The following UBR3 variants were observed in gnomAD, a reference collection of about 807,000 sequenced individuals.
UBR3 encodes E3 ubiquitin-protein ligase UBR3.
Under a neutral mutation model 243.2 loss-of-function variants are expected in UBR3, and 85 were observed. That is an observed-to-expected ratio of 0.35 (90% CI 0.29 to 0.42). The LOEUF is 0.42. Among genes scored for constraint, UBR3 ranks in the 10% least tolerant of loss-of-function variants. The probability of loss-of-function intolerance (pLI) is 1.00; values close to 1 mark genes in which losing one functional copy is unlikely to be tolerated. For synonymous variants in UBR3, 748 were observed against 799.8 expected, an observed-to-expected ratio of 0.94 and a Z score of 1.09; for missense variants, 1,686 against 2,300.8, an observed-to-expected ratio of 0.73 and a Z score of 5.47.
At chr2:169,988,444 A>G (rs947003838) in intron 25 of UBR3, among the ~76,000 whole-genome samples, 5 of 152,202 alleles carry the variant, frequency 3.3e-5, no homozygotes, top group Admixed American at 6.5e-5. Flanking sequence ...AGCTAGACCA[A>G]TAAATATTAA....
chr2:169,916,050 T>C (rs2085450719), intron 11 of UBR3, among the ~76,000 whole-genome samples: 1 of 152,160 alleles, frequency 6.6e-6, no homozygotes, highest in African/African-American at 2.4e-5. Context: ...CTGGTTACTT[T>C]TAGTGTGGAA....
At chr2:169,932,870 A>G in intron 18 of UBR3, 42 bp from the exon 19 acceptor site, 1 of 1,429,018 alleles carries the variant, frequency 7.0e-7, no homozygotes, top group African/African-American at 1.4e-5. Context: ...TATTGATTTT[A>G]TTTCTGAGAA....
chr2:170,035,860 AAAT>A (rs2090812140), intron 31 of UBR3, among the ~76,000 whole-genome samples: 1 of 135,990 alleles, frequency 7.4e-6, no homozygotes, highest in Non-Finnish European at 1.6e-5. Context: ...CATTTTCCTT[AAAT>A]AGATCTTTGC....
At chr2:170,030,253 G>T (rs2090634547) in intron 31 of UBR3, among the ~76,000 whole-genome samples, 1 of 151,958 alleles carries the variant, frequency 6.6e-6, no homozygotes, top group African/African-American at 2.4e-5. Flanking sequence ...GTTGGCCCGG[G>T]TTCGTTTTGT....
intron 1 of UBR3, among the ~76,000 whole-genome samples, chr2:169,861,328 G>A (rs1395459372): frequency 6.6e-6 from 1 of 152,172 alleles, no homozygotes; most frequent in Non-Finnish European, 1.5e-5. Context: ...AACAAATGCC[G>A]GCTGGGTGTG....
intron 10 of UBR3, among the ~76,000 whole-genome samples, chr2:169,912,049 A>T (rs756785350): frequency 3.9e-5 from 6 of 152,156 alleles, no homozygotes; most frequent in Non-Finnish European, 8.8e-5. Context: ...GGACATGGAG[A>T]TGAGTAAGGT....
At chr2:169,908,705 C>T (rs6732048) in intron 10 of UBR3, among the ~76,000 whole-genome samples, 40,827 of 151,454 alleles carry the variant, frequency 0.27, 5,697 homozygotes, top group East Asian at 0.42. Context: ...TCAGAGAATG[C>T]GTTTATGAAG....
At chr2:169,929,296 C>T (rs964796788) in intron 18 of UBR3, among the ~76,000 whole-genome samples, 11 of 152,090 alleles carry the variant, frequency 7.2e-5, no homozygotes, top group Admixed American at 4.6e-4. Flanking sequence ...CTGTATAGGC[C>T]GGGTGTGGTG....
intron 24 of UBR3, among the ~76,000 whole-genome samples, chr2:169,985,655 G>A (rs2105387529): frequency 6.6e-6 from 1 of 152,140 alleles, no homozygotes; most frequent in East Asian, 1.9e-4. Context: ...TACTGTTTTT[G>A]TTTTTGTTTT....
intron 35 of UBR3, among the ~76,000 whole-genome samples, chr2:170,065,530 T>C (rs535088214): frequency 7.9e-5 from 12 of 152,276 alleles, no homozygotes; most frequent in African/African-American, 2.9e-4. Context: ...TGGCCTCAAG[T>C]GATCCACCCC....
At chr2:170,024,053 G>C (rs1488548876) in intron 30 of UBR3, among the ~76,000 whole-genome samples, 1 of 152,144 alleles carries the variant, frequency 6.6e-6, no homozygotes, top group African/African-American at 2.4e-5. Flanking sequence ...TGATCAGTAT[G>C]AGTATAGTAA....
rs1297148914 is a variant in UBR3, at chr2:169,986,654, A to C, written c.3644A>C (p.Glu1215Ala). 1 of 1,610,468 alleles carries C rather than the reference A, an allele frequency of 6.2e-7. No homozygotes were observed. Residue 1215 changes from glutamate to alanine, a missense_variant, in exon 25 of 39, where the codon GAG (glutamate) becomes GCG (alanine). By Grantham distance (107) the Glu-to-Ala change is moderately radical. Around this residue, in one of 8 missense-constraint regions of UBR3, gnomAD observed 156 missense variants for 246.3 expected, o/e 0.63. Coordinates refer to ENST00000272793, the MANE Select transcript of UBR3 (RefSeq NM_172070.4). The stretch of plus-strand genomic sequence containing the variant: ...AACTTTTTTCCCTCAGATTCTCCTG[A>C]GAATGATATTCCTATGGAGATCACC... The part of the protein sequence containing the change: ...METAMDVDSP[E>A]NDIPMEITTA...
At chr2:169,964,787 C>T (rs2087733278) in intron 24 of UBR3, 1 of 448,160 alleles carries the variant, frequency 2.2e-6, no homozygotes, top group Admixed American at 2.4e-5. Context: ...AAGTTATTGA[C>T]TCCATGTCCT....
chr2:169,971,148 C>T (rs943645491), intron 24 of UBR3, among the ~76,000 whole-genome samples: 7 of 151,922 alleles, frequency 4.6e-5, no homozygotes, highest in Non-Finnish European at 1.0e-4. Flanking sequence ...TGTTCACGTC[C>T]TTCGCCCACT....
Position 169,868,135 on chromosome 2 carries a change from T to C in UBR3, c.546-4101T>C, listed in dbSNP as rs144149393. ...AGAGAGTACTTTATTGACTTTGATA[T>C]CTATCCACATTCTTTTTCATGAACA... On this transcript the variant is annotated intron_variant, in intron 1 of 38. Coordinates refer to ENST00000272793, the MANE Select transcript of UBR3 (RefSeq NM_172070.4). Among the ~76,000 whole-genome samples, 12 of 152,266 alleles carry C rather than the reference T, an allele frequency of 7.9e-5. No homozygotes were observed. In the East Asian group the frequency reaches 2.3e-3, roughly 29 times the overall value.
chr2:169,834,391 A>G (rs370343848), intron 1 of UBR3, among the ~76,000 whole-genome samples: 7 of 152,158 alleles, frequency 4.6e-5, no homozygotes, highest in African/African-American at 1.7e-4. Flanking sequence ...TCTTGTATAC[A>G]CTTGTTCATA....
chr2:169,879,988 C>T (rs7604369), intron 5 of UBR3, among the ~76,000 whole-genome samples: 13,938 of 152,136 alleles, frequency 0.092, 945 homozygotes, highest in Admixed American at 0.17. Flanking sequence ...GCTAATTCTT[C>T]GTATGCCAAA....
At chr2:169,886,630 A>G (rs1470635308) in intron 5 of UBR3, among the ~76,000 whole-genome samples, 1 of 152,208 alleles carries the variant, frequency 6.6e-6, no homozygotes, top group Non-Finnish European at 1.5e-5. Flanking sequence ...TTTAGTGCAC[A>G]GTGATGGGAC....
At chr2:169,909,316 G>A (rs2085156284) in intron 10 of UBR3, among the ~76,000 whole-genome samples, 1 of 152,168 alleles carries the variant, frequency 6.6e-6, no homozygotes. Context: ...ACACTTAAAA[G>A]ATCATTCTGT....
Sources: allele counts gnomAD v4.1 joint callset (sites outside exome capture counted in the v4.1 genomes callset), GRCh38; gene constraint gnomAD v4.1.1; regional missense constraint gnomAD v4.1.1; transcripts MANE v1.5; gene names NCBI Gene and HGNC (gene_info 2026-07-23, HGNC 2026-07-21).